The following MGAT4A variants were observed in gnomAD, a reference collection of about 807,000 sequenced individuals.
The protein encoded by MGAT4A is N-acetylglucosaminyltransferase IVa.
A neutral mutation model predicts 74.1 loss-of-function variants in MGAT4A; 33 were observed. The ratio of observed to expected loss-of-function variants is 0.45; its 90% CI spans 0.34 to 0.60. The LOEUF is 0.60. Ranked by LOEUF, MGAT4A falls within the 20% of genes least tolerant of loss-of-function variation. The probability of loss-of-function intolerance (pLI) is 0.02; values close to 1 mark genes in which losing one functional copy is unlikely to be tolerated. For missense variants in MGAT4A, 479 were observed against 628.3 expected (o/e 0.76, Z 2.54); for synonymous variants, 198 against 210.4 (o/e 0.94, Z 0.51).
chr2:98,677,219 A>G (rs1211991564), intron 3 of MGAT4A, among the ~76,000 whole-genome samples: 2 of 152,200 alleles, frequency 1.3e-5, no homozygotes, highest in Non-Finnish European at 2.9e-5. Flanking sequence ...ATACTCCTAA[A>G]GTATCCACTA....
At chr2:98,677,476 G>A (rs1701990654) in intron 3 of MGAT4A, among the ~76,000 whole-genome samples, 1 of 152,100 alleles carries the variant, frequency 6.6e-6, no homozygotes, top group Non-Finnish European at 1.5e-5. Flanking sequence ...TTTTGAGATG[G>A]AGTCTCTCTC....
At chr2:98,662,981 T>C in intron 5 of MGAT4A, 65 bp downstream of exon 5, 1 of 1,219,712 alleles carries the variant, frequency 8.2e-7, no homozygotes, top group Non-Finnish European at 1.1e-6. Flanking sequence ...ATTCAAATAT[T>C]CAATTAGAGT....
At chr2:98,653,772 C>G (rs1421978998) in intron 8 of MGAT4A, among the ~76,000 whole-genome samples, 2 of 152,188 alleles carry the variant, frequency 1.3e-5, no homozygotes, top group African/African-American at 4.8e-5. Context: ...CTTCCTCAAA[C>G]AGCTATCTTC....
intron 2 of MGAT4A, among the ~76,000 whole-genome samples, chr2:98,717,893 G>A (rs1702613577): frequency 6.6e-6 from 1 of 152,204 alleles, no homozygotes; most frequent in South Asian, 2.1e-4. Context: ...AAGCCAGAAT[G>A]ATGACGGCGT....
intron 14 of MGAT4A, among the ~76,000 whole-genome samples, chr2:98,627,600 C>A (rs1027645459): frequency 3.3e-5 from 5 of 152,124 alleles, no homozygotes; most frequent in Admixed American, 3.3e-4. Context: ...GGTCTTGGAC[C>A]TCTGACCTCA....
chr2:98,707,872 A>C (rs1276075567), intron 2 of MGAT4A, among the ~76,000 whole-genome samples: 2 of 152,156 alleles, frequency 1.3e-5, no homozygotes, highest in African/African-American at 4.8e-5. Context: ...GATCTTCTCT[A>C]TGACTTAATC....
chr2:98,697,981 C>T (rs575014068), intron 2 of MGAT4A, among the ~76,000 whole-genome samples: 1 of 152,298 alleles, frequency 6.6e-6, no homozygotes, highest in East Asian at 1.9e-4. Flanking sequence ...CTTGATCATT[C>T]TAATTGCTGT....
Position 98,621,743 on chromosome 2 carries a change from C to A in MGAT4A, c.*3823G>T. ...AACGTGCTGTTTCCACATAACCAGT[C>A]TTTTCTTTGAGGGACAGCACTGTTG... On this transcript the variant is annotated 3_prime_UTR_variant, in exon 16 of 16. Transcript: ENST00000393487. 1 of 1,221,418 alleles carries A rather than the reference C, an allele frequency of 8.2e-7. No homozygotes were observed. The highest frequency in any genetic ancestry group is 3.6e-5 in the East Asian group (1 of 27,652). 75.7% of individuals were successfully genotyped at this position (1,221,418 alleles called of 1,614,324 possible). A position where few individuals can be genotyped will look rare whatever the true frequency, so the allele number is the denominator to read the frequency against.
intron 2 of MGAT4A, among the ~76,000 whole-genome samples, chr2:98,715,001 T>C (rs777875871): frequency 6.6e-6 from 1 of 152,034 alleles, no homozygotes; most frequent in Non-Finnish European, 1.5e-5. Flanking sequence ...TTCATACTTA[T>C]GTAAAGAAAT....
chr2:98,705,698 C>T (rs1702416218), intron 2 of MGAT4A, among the ~76,000 whole-genome samples: 1 of 151,526 alleles, frequency 6.6e-6, no homozygotes, highest in African/African-American at 2.4e-5. Context: ...AATCCCAGCA[C>T]TTTGGGAGGC....
chr2:98,620,034 G>GC lies in MGAT4A; in HGVS notation c.*5531dup, dbSNP rs1200295146. 5 of 152,176 alleles carry GC rather than the reference G, an allele frequency of 3.3e-5. No individual in the cohort carries two copies. The highest frequency in any genetic ancestry group is 6.5e-5 in the Admixed American group (1 of 15,274). 9.4% of individuals were successfully genotyped at this position (152,176 alleles called of 1,614,324 possible). A position where few individuals can be genotyped will look rare whatever the true frequency, so the allele number is the denominator to read the frequency against. ...TCTCAGCTCAGATGCACCCTGGAGT[G>GC]CCAGCTTGCTCCTTCCTGTTTGTTC... On this transcript the variant is annotated 3_prime_UTR_variant, in exon 16 of 16. Transcript: ENST00000393487.
chr2:98,653,728 A>T (rs1701616260), intron 8 of MGAT4A, among the ~76,000 whole-genome samples: 1 of 152,210 alleles, frequency 6.6e-6, no homozygotes, highest in Non-Finnish European at 1.5e-5. Flanking sequence ...TTCACTGGAA[A>T]ATTCTGCTGA....
intron 2 of MGAT4A, among the ~76,000 whole-genome samples, chr2:98,724,548 T>C (rs1458937887): frequency 2.0e-5 from 3 of 152,236 alleles, no homozygotes; most frequent in African/African-American, 7.2e-5. Context: ...ATTCAGAGAA[T>C]GATGATCAAA....
intron 2 of MGAT4A, among the ~76,000 whole-genome samples, chr2:98,701,751 C>G (rs988413331): frequency 6.6e-6 from 1 of 152,198 alleles, no homozygotes; most frequent in African/African-American, 2.4e-5. Flanking sequence ...ATTCTAGACC[C>G]TAGTTAGGTC....
intron 2 of MGAT4A, among the ~76,000 whole-genome samples, chr2:98,723,875 C>T (rs755025844): frequency 6.6e-6 from 1 of 152,164 alleles, no homozygotes; most frequent in African/African-American, 2.4e-5. Flanking sequence ...AATGAGGCTG[C>T]CTGAATTCAA....
intron 2 of MGAT4A, among the ~76,000 whole-genome samples, chr2:98,683,617 TC>T (rs1702092272): frequency 6.6e-6 from 1 of 152,150 alleles, no homozygotes; most frequent in Admixed American, 6.6e-5. Context: ...GCTCAGTCTT[TC>T]ATCAGCTCCT....
intron 8 of MGAT4A, among the ~76,000 whole-genome samples, chr2:98,646,389 G>A (rs912419829): frequency 1.4e-4 from 21 of 152,158 alleles, no homozygotes; most frequent in African/African-American, 5.1e-4. Flanking sequence ...CGCAAGATGT[G>A]CCAATCATCA....
intron 8 of MGAT4A, among the ~76,000 whole-genome samples, chr2:98,646,825 G>A (rs1201488391): frequency 6.6e-6 from 1 of 152,212 alleles, no homozygotes; most frequent in South Asian, 2.1e-4. Flanking sequence ...GTGCAGGTCT[G>A]TTACATGGAT....
intron 15 of MGAT4A, 58 bp from the exon 16 acceptor site, chr2:98,625,650 G>C: frequency 6.4e-7 from 1 of 1,559,436 alleles, no homozygotes; most frequent in Non-Finnish European, 8.8e-7. Context: ...TTCCAAAAAG[G>C]CCTTAAATAC....
Sources: allele counts gnomAD v4.1 joint callset (sites outside exome capture counted in the v4.1 genomes callset), GRCh38; gene constraint gnomAD v4.1.1; transcripts MANE v1.5; gene names NCBI Gene and HGNC (gene_info 2026-07-23, HGNC 2026-07-21).